Variants in FTCDNL1 observed in about 807,000 individuals in gnomAD.
FTCDNL1 encodes the protein formiminotransferase cyclodeaminase N-terminal like.
In FTCDNL1, 11 loss-of-function variants were observed where a neutral mutation model predicts 5.9. That is an observed-to-expected ratio of 1.87 (90% CI 1.18 to 3.10). FTCDNL1 has a LOEUF of 3.10. FTCDNL1 is among the 30% of genes most tolerant of loss of function. FTCDNL1 has a pLI of 0.00. For synonymous variants in FTCDNL1, 58 were observed against 24.8 expected, an observed-to-expected ratio of 2.34 and a Z score of -3.99; for missense variants, 115 against 65.5, an observed-to-expected ratio of 1.76 and a Z score of -2.61.
At chr2:199,820,740 A>T (rs1701630989) in intron 3 of FTCDNL1, among the ~76,000 whole-genome samples, 1 of 152,168 alleles carries the variant, frequency 6.6e-6, no homozygotes, top group Admixed American at 6.5e-5. Context: ...CTCAAGGCAA[A>T]ATATAGAATT....
chr2:199,801,206 G>C (rs1294712764), intron 3 of FTCDNL1, among the ~76,000 whole-genome samples: 3 of 152,192 alleles, frequency 2.0e-5, no homozygotes, highest in Non-Finnish European at 4.4e-5. Context: ...TGCACTGGAA[G>C]AGCTGGTAAT....
chr2:199,840,833 A>T (rs985516364), intron 3 of FTCDNL1, among the ~76,000 whole-genome samples: 17 of 152,150 alleles, frequency 1.1e-4, no homozygotes, highest in African/African-American at 4.1e-4. Context: ...GAAAAAAGAA[A>T]GAGAGAGAAG....
chr2:199,722,925 G>A, the FTCDNL1 span, among the ~76,000 whole-genome samples: 7 of 151,918 alleles, frequency 4.6e-5, no homozygotes, highest in Middle Eastern at 3.4e-3. Flanking sequence ...CTCTCTGCTT[G>A]TCTATTGTTG....
the FTCDNL1 span, among the ~76,000 whole-genome samples, chr2:199,740,154 A>G: frequency 6.6e-6 from 1 of 152,244 alleles, no homozygotes; most frequent in Non-Finnish European, 1.5e-5. Flanking sequence ...TCACTATTGC[A>G]TGGAAAAACA....
At chr2:199,835,503 AC>A (rs1471998772) in intron 3 of FTCDNL1, among the ~76,000 whole-genome samples, 1 of 152,136 alleles carries the variant, frequency 6.6e-6, no homozygotes, top group East Asian at 1.9e-4. Context: ...CTCTTACTCT[AC>A]CAATAGAGAA....
chr2:199,694,128 AG>A, the FTCDNL1 span, among the ~76,000 whole-genome samples: 2 of 152,162 alleles, frequency 1.3e-5, no homozygotes, highest in Non-Finnish European at 2.9e-5. Flanking sequence ...TAAGAATGCA[AG>A]TTGCCCTTGC....
At chr2:199,752,833 A>C in the FTCDNL1 span, among the ~76,000 whole-genome samples, 146 of 150,132 alleles carry the variant, frequency 9.7e-4, no homozygotes, top group Middle Eastern at 6.9e-3. Context: ...ATATAGATAG[A>C]GAGAGAGAGA....
At chr2:199,760,820 T>C (rs1698234376) in exon 4 of FTCDNL1, 1 of 702,254 alleles carries the variant, frequency 1.4e-6, no homozygotes, top group African/African-American at 1.7e-5. Flanking sequence ...CCTTTAGGCT[T>C]GGTTGCGCTT....
At position 199,810,145 on chromosome 2, in the gene FTCDNL1, C is replaced by A. The variant is rs1297518959; in HGVS notation, c.*2560G>T. Among the ~76,000 whole-genome samples the A allele has an allele frequency of 6.6e-6, 1 of 152,038 alleles. No homozygotes were observed. Among genetic ancestry groups the A allele is most frequent in the Non-Finnish European group, 1.5e-5 (1 of 68,004 alleles). On this transcript the variant is annotated 3_prime_UTR_variant, in exon 5 of 5. Coordinates refer to ENST00000420128, the MANE Select transcript of FTCDNL1 (RefSeq NM_001363886.2). ...CAGCAACAGGCCTTAGACCTTCATTCATTTCCAAGGCCATCTCCATGGGGG... is the reference window on the plus strand; with the variant it reads ...CAGCAACAGGCCTTAGACCTTCATTAATTTCCAAGGCCATCTCCATGGGGG...
intron 3 of FTCDNL1, among the ~76,000 whole-genome samples, chr2:199,826,420 A>C (rs1480798700): frequency 6.7e-6 from 1 of 149,476 alleles, no homozygotes; most frequent in Non-Finnish European, 1.5e-5. Context: ...CTATATGTAA[A>C]ATGGAAAAGA....
the FTCDNL1 span, among the ~76,000 whole-genome samples, chr2:199,729,559 C>T: frequency 2.0e-5 from 3 of 151,976 alleles, no homozygotes; most frequent in Non-Finnish European, 4.4e-5. Flanking sequence ...ACACCAATAA[C>T]AGACAAACAG....
At chr2:199,797,389 A>G (rs1000096588) in intron 3 of FTCDNL1, among the ~76,000 whole-genome samples, 2 of 152,210 alleles carry the variant, frequency 1.3e-5, no homozygotes, top group South Asian at 4.1e-4. Context: ...GAGTGTCTTA[A>G]TTCTTTTTTT....
intron 3 of FTCDNL1, among the ~76,000 whole-genome samples, chr2:199,797,737 T>C (rs961277650): frequency 6.6e-5 from 10 of 152,206 alleles, no homozygotes; most frequent in Non-Finnish European, 1.0e-4. Context: ...CAGCCTGGAA[T>C]TGTTTGCACA....
At chr2:199,779,931 A>G (rs1024427906) in intron 3 of FTCDNL1, among the ~76,000 whole-genome samples, 2 of 152,186 alleles carry the variant, frequency 1.3e-5, no homozygotes, top group African/African-American at 4.8e-5. Flanking sequence ...TCAGCAGAGG[A>G]CCACAGCCTG....
At chr2:199,844,476 G>C (rs2106634275) in intron 3 of FTCDNL1, 2 of 664,792 alleles carry the variant, frequency 3.0e-6, no homozygotes, top group East Asian at 2.8e-5. Flanking sequence ...ATTCCCTCTT[G>C]AACTTCCATA....
the FTCDNL1 span, among the ~76,000 whole-genome samples, chr2:199,708,798 G>A: frequency 1.3e-5 from 2 of 152,112 alleles, no homozygotes; most frequent in Non-Finnish European, 1.5e-5. Flanking sequence ...TTGACCAAAT[G>A]AAGTTTAACC....
At chr2:199,742,821 G>A in the FTCDNL1 span, among the ~76,000 whole-genome samples, 1 of 152,154 alleles carries the variant, frequency 6.6e-6, no homozygotes, top group Admixed American at 6.5e-5. Flanking sequence ...GAAAAATAAG[G>A]TATGAGTTTT....
At chr2:199,730,086 G>C in the FTCDNL1 span, among the ~76,000 whole-genome samples, 5 of 152,070 alleles carry the variant, frequency 3.3e-5, no homozygotes, top group Admixed American at 3.3e-4. Flanking sequence ...AACCTGACAA[G>C]AACAACAATG....
chr2:199,835,194 T>A (rs2106604486), intron 3 of FTCDNL1, among the ~76,000 whole-genome samples: 1 of 152,074 alleles, frequency 6.6e-6, no homozygotes, highest in Middle Eastern at 3.4e-3. Flanking sequence ...AATAAATAAA[T>A]CAAACATGAA....
Sources: gnomAD v4.1 joint callset for allele counts (sites outside exome capture counted in the v4.1 genomes callset) on GRCh38, gnomAD v4.1.1 for gene constraint, MANE v1.5 for transcripts, NCBI Gene and HGNC (gene_info 2026-07-23, HGNC 2026-07-21) for gene names.